Variants in POLR2D observed in about 807,000 individuals in gnomAD.
POLR2D encodes the protein DNA-directed RNA polymerase II subunit RPB4.
POLR2D carries 10 observed loss-of-function variants against 17.6 expected under a neutral mutation model. The observed-to-expected ratio is 0.57, with a 90% CI of 0.35 to 0.96. POLR2D has a LOEUF of 0.96. Among genes scored for constraint, POLR2D ranks in the 40% least tolerant of loss-of-function variants. The pLI is 0.02. For missense variants in POLR2D, 126 were observed against 176.4 expected, an observed-to-expected ratio of 0.71 and a Z score of 1.62; for synonymous variants, 52 against 60.2, an observed-to-expected ratio of 0.86 and a Z score of 0.63.
chr2:127,853,885 T>G (rs1690288503), intron 1 of POLR2D, among the ~76,000 whole-genome samples: 1 of 152,200 alleles, frequency 6.6e-6, no homozygotes, highest in Non-Finnish European at 1.5e-5. Context: ...ACACTAACAT[T>G]TAGCTTGTCT....
rs907036037 is a variant in POLR2D at position 127,852,331 on chromosome 2, C to A, written c.254+594G>T. ...AATCACAGCTCACTAAAGCCTCAAC[C>A]TCCCAGGCTCACATGATCCTCCCAC... On this transcript the variant is annotated intron_variant, in intron 2 of 3. Coordinates refer to ENST00000272645, the MANE Select transcript of POLR2D (RefSeq NM_004805.4). The surrounding 1 kb of genome is among the most constrained non-coding windows in gnomAD (Gnocchi z 4.0). 2.6e-5 allele frequency among the ~76,000 whole-genome samples: 4 copies of A among 152,206 alleles called. No individual in the cohort carries two copies. The highest frequency in any genetic ancestry group is 4.4e-5 in the Non-Finnish European group (3 of 68,036).
At chr2:127,848,266 G>C in intron 3 of POLR2D, 81 bp from the exon 4 acceptor site, 4 of 789,666 alleles carry the variant, frequency 5.1e-6, no homozygotes, top group Non-Finnish European at 8.6e-6. Context: ...CTAATCTACT[G>C]CCCACATCTC....
chr2:127,853,871 C>T (rs1043704047), intron 1 of POLR2D, among the ~76,000 whole-genome samples: 3 of 152,174 alleles, frequency 2.0e-5, no homozygotes, highest in East Asian at 1.9e-4. Flanking sequence ...GTGGAGTTCA[C>T]GAGACACTAA....
At chr2:127,854,177 A>G (rs1310581279) in intron 1 of POLR2D, among the ~76,000 whole-genome samples, 1 of 152,216 alleles carries the variant, frequency 6.6e-6, no homozygotes, top group Non-Finnish European at 1.5e-5. Context: ...GGTTTGAGAG[A>G]AAAAGAAACC....
chr2:127,852,988 G>A lies in POLR2D; in HGVS notation c.191C>T (p.Thr64Ile). The A allele has an allele frequency of 1.2e-6, 2 of 1,614,028 alleles. No individual in the cohort carries two copies. The highest frequency in any genetic ancestry group is 8.5e-7 in the Non-Finnish European group (1 of 1,179,876). ...EQELSEVFMKTLNYTARFSRF... is the reference protein window; with the variant it reads ...EQELSEVFMKILNYTARFSRF... ...ACTGAAACGGGCTGTGTAGTTTAAT[G>A]TTTTCATGAAGACTTCTGAGAGCTC... The change falls in exon 2 of 4, where the codon ACA becomes ATA. Residue 64 changes from threonine to isoleucine, a missense_variant. Thr to Ile is a moderately conservative substitution (Grantham distance 89, BLOSUM62 -1). Coordinates refer to ENST00000272645, the MANE Select transcript of POLR2D (RefSeq NM_004805.4). The surrounding 1 kb of genome is among the most constrained non-coding windows in gnomAD (Gnocchi z 4.0).
chr2:127,855,604 G>A (rs552024222), intron 1 of POLR2D, among the ~76,000 whole-genome samples: 1 of 152,228 alleles, frequency 6.6e-6, no homozygotes, highest in South Asian at 2.1e-4. Flanking sequence ...CTGTAACTCA[G>A]AGTGCCTAGG....
At chr2:127,855,564 C>T (rs1345084942) in intron 1 of POLR2D, among the ~76,000 whole-genome samples, 2 of 152,176 alleles carry the variant, frequency 1.3e-5, no homozygotes, top group Non-Finnish European at 2.9e-5. Context: ...CCCTCACTCC[C>T]TTCAACCAAG....
At position 127,845,937 on chromosome 2, in the gene POLR2D, A is replaced by T. The variant is rs531648217; in HGVS notation, c.*2170T>A. The T allele has an allele frequency of 4.6e-5, 7 of 152,138 alleles. No individual in the cohort carries two copies. Among genetic ancestry groups the T allele is most frequent in the Non-Finnish European group, 1.0e-4 (7 of 68,026 alleles). 9.4% of individuals were successfully genotyped at this position (152,138 alleles called of 1,614,324 possible). ...CCATATTTCACAATTGAGAACACCA[A>T]TGAGGCTCAAAGAAGCGAAGTTGCT... On this transcript the variant is annotated 3_prime_UTR_variant, in exon 4 of 4. Coordinates refer to ENST00000272645, the MANE Select transcript of POLR2D (RefSeq NM_004805.4).
At position 127,852,723 on chromosome 2, in the gene POLR2D, T is replaced by C. The variant is rs1170838097; in HGVS notation, c.254+202A>G. 6.6e-6 allele frequency among the ~76,000 whole-genome samples: 1 copy of C among 152,192 alleles called. No homozygotes were observed. Among genetic ancestry groups the C allele is most frequent in the African/African-American group, 2.4e-5 (1 of 41,444 alleles). ...TTAGCAGAGACGGGTTTTTGCTATA[T>C]CGACCAGGCTGGTCTTGAACACCTG... On this transcript the variant is annotated intron_variant, in intron 2 of 3. Transcript: ENST00000272645. The surrounding 1 kb of genome is among the most constrained non-coding windows in gnomAD (Gnocchi z 4.0).
chr2:127,855,394 C>CAAAAAAA (rs747725989), intron 1 of POLR2D, among the ~76,000 whole-genome samples: 2 of 51,256 alleles, frequency 3.9e-5, no homozygotes, highest in Non-Finnish European at 8.3e-5. Context: ...AACTCCGTCT[C>CAAAAAAA]AAAAAAAAAA....
rs1284985324 is a variant in POLR2D, at chr2:127,846,362, G to A, written c.*1745C>T. The A allele has an allele frequency of 6.6e-6, 1 of 151,908 alleles. No individual in the cohort carries two copies. Among genetic ancestry groups the A allele is most frequent in the East Asian group, 1.9e-4 (1 of 5,198 alleles). The allele number at this position is 151,908 out of a possible 1,614,324, so 9.4% of individuals were successfully genotyped here. A position where few individuals can be genotyped will look rare whatever the true frequency, so the allele number is the denominator to read the frequency against. ...CACTGTTCTTTCTCCTTTTTCCTTG[G>A]ATCACAAGTTCATACAGAGTCAAGC... On this transcript the variant is annotated 3_prime_UTR_variant, in exon 4 of 4. Coordinates refer to ENST00000272645, the MANE Select transcript of POLR2D (RefSeq NM_004805.4).
intron 2 of POLR2D, among the ~76,000 whole-genome samples, chr2:127,851,129 T>C (rs547847779): frequency 3.9e-5 from 6 of 152,104 alleles, no homozygotes; most frequent in Non-Finnish European, 7.4e-5. Context: ...GGCAGGAGAA[T>C]TGCTTGAACC....
chr2:127,848,977 C>T (rs1280020616), intron 3 of POLR2D, among the ~76,000 whole-genome samples: 15 of 151,762 alleles, frequency 9.9e-5, no homozygotes, highest in Non-Finnish European at 5.9e-5. Flanking sequence ...TTTTCATTTA[C>T]TGTCTTCATG....
intron 1 of POLR2D, among the ~76,000 whole-genome samples, chr2:127,856,166 C>T (rs1434634458): frequency 6.6e-6 from 1 of 150,894 alleles, no homozygotes; most frequent in Non-Finnish European, 1.5e-5. Flanking sequence ...CACTTGTAGT[C>T]CCAAGTATTC....
chr2:127,851,220 C>T (rs1690247694), intron 2 of POLR2D, among the ~76,000 whole-genome samples: 1 of 151,888 alleles, frequency 6.6e-6, no homozygotes, highest in Non-Finnish European at 1.5e-5. Flanking sequence ...CGTCTCAAAA[C>T]AGACAAACAA....
chr2:127,848,246 T>C (rs540578785), intron 3 of POLR2D, 61 bp from the exon 4 acceptor site: 2 of 1,054,540 alleles, frequency 1.9e-6, no homozygotes, highest in Non-Finnish European at 2.9e-6. Context: ...GCACTCTTCT[T>C]TGAGGCGTGC....
At position 127,852,494 on chromosome 2, in the gene POLR2D, C is replaced by A. The variant is rs1370492446; in HGVS notation, c.254+431G>T. ...CTCCTGGCCTCAAGAGACTGGTCCA[C>A]CTCAGCTCCACAAAGTGTGGATTAC... is the stretch of plus-strand genomic sequence containing the variant. On this transcript the variant is annotated intron_variant, in intron 2 of 3. Transcript: ENST00000272645. The surrounding 1 kb of genome is among the most constrained non-coding windows in gnomAD (Gnocchi z 4.0). Among the ~76,000 whole-genome samples, 1 of 152,102 alleles carries A rather than the reference C, an allele frequency of 6.6e-6. No homozygotes were observed. The highest frequency in any genetic ancestry group is 2.4e-5 in the African/African-American group (1 of 41,394).
intron 3 of POLR2D, among the ~76,000 whole-genome samples, chr2:127,849,992 T>C (rs1690224315): frequency 6.6e-6 from 1 of 152,238 alleles, no homozygotes; most frequent in Admixed American, 6.5e-5. Context: ...ACTTGGAGTA[T>C]ATTCATCTTT....
At chr2:127,855,309 C>G (rs1462736251) in intron 1 of POLR2D, among the ~76,000 whole-genome samples, 1 of 145,732 alleles carries the variant, frequency 6.9e-6, no homozygotes, top group Non-Finnish European at 1.5e-5. Flanking sequence ...AGGAGAATTG[C>G]TTGAACCCGG....
Sources: gnomAD v4.1 joint callset for allele counts (sites outside exome capture counted in the v4.1 genomes callset) on GRCh38, gnomAD v4.1.1 for gene constraint, Gnocchi (gnomAD v3.1) non-coding constraint, MANE v1.5 for transcripts, NCBI Gene and HGNC (gene_info 2026-07-23, HGNC 2026-07-21) for gene names.